The following ENPP1 variants were observed in gnomAD, a reference collection of about 807,000 sequenced individuals.
ENPP1 encodes the protein ectonucleotide pyrophosphatase/phosphodiesterase family member 1.
ENPP1 carries 73 observed loss-of-function variants against 122.8 expected under a neutral mutation model. The observed-to-expected ratio is 0.59, with a 90% confidence interval of 0.49 to 0.72. The LOEUF (loss-of-function observed/expected upper bound fraction) is 0.72. ENPP1 is among the 30% of genes least tolerant of loss of function. The pLI, the probability that ENPP1 is intolerant of heterozygous loss-of-function variation, is 0.00. For missense variants in ENPP1, 978 were observed against 1,128.1 expected, an observed-to-expected ratio of 0.87 and a Z score of 1.91; for synonymous variants, 367 against 391.6, an observed-to-expected ratio of 0.94 and a Z score of 0.74.
intron 1 of ENPP1, among the ~76,000 whole-genome samples, chr6:131,816,390 A>G (rs1290109478): frequency 6.6e-6 from 1 of 152,228 alleles, no homozygotes; most frequent in Admixed American, 6.5e-5. Context: ...GAAAAAATAA[A>G]CAAGAAACCT....
chr6:131,886,141 A>T (rs1416699540), intron 23 of ENPP1, among the ~76,000 whole-genome samples: 3 of 152,210 alleles, frequency 2.0e-5, no homozygotes, highest in Non-Finnish European at 4.4e-5. Flanking sequence ...GTCCTCTCTG[A>T]AGGGGCTGGA....
chr6:131,814,589 C>A (rs1379979442), intron 1 of ENPP1, among the ~76,000 whole-genome samples: 1 of 152,150 alleles, frequency 6.6e-6, no homozygotes, highest in Non-Finnish European at 1.5e-5. Context: ...CAATTAGCTT[C>A]CTTTTCCTTC....
intron 9 of ENPP1, among the ~76,000 whole-genome samples, chr6:131,863,995 T>A (rs1177325950): frequency 1.3e-5 from 2 of 152,122 alleles, no homozygotes; most frequent in Admixed American, 1.3e-4. Context: ...CTTTTTAAGA[T>A]TTAGTAGAGT....
At position 131,882,458 on chromosome 6, in the gene ENPP1, G is replaced by A; in HGVS notation, c.2214G>A (p.Gly738=). The A allele has an allele frequency of 6.2e-7, 1 of 1,608,046 alleles. No individual in the cohort carries two copies. The highest frequency in any genetic ancestry group is 8.5e-7 in the Non-Finnish European group (1 of 1,176,558). ...AAAATAACACCAAAGTGAGTTACGG[G>A]TTCCTCTCCCCACCACGTAAGTTTT... ...FYKNNTKVSY[G]FLSPPQLNKN... is the part of the protein sequence containing the mutation. Residue 738 remains glycine, a synonymous_variant, in exon 21 of 25, where the codon GGG becomes GGA. Transcript: ENST00000647893.
In ENPP1 at chr6:131,874,283, G is replaced by C; in HGVS notation, c.1581G>C (p.Arg527Ser). The change falls in exon 16 of 25, where the codon AGG becomes AGC. Residue 527 changes from arginine (R) to serine (S), a missense_variant. Physicochemically the swap from Arg to Ser is moderately radical, Grantham distance 110. Transcript: ENST00000647893. Reference sequence around the variant, plus strand: ...TCAACATTAGGAATCCCTCAGAAAGGAAATATTGTGGAAGTGGATTTCATG... The same window carrying C: ...TCAACATTAGGAATCCCTCAGAAAGCAAATATTGTGGAAGTGGATTTCATG... Reference protein sequence around the residue: ...QWQLALNPSERKYCGSGFHGS... With the variant: ...QWQLALNPSESKYCGSGFHGS... The C allele has an allele frequency of 1.3e-6, 2 of 1,592,662 alleles. No homozygotes were observed. The highest frequency in any genetic ancestry group is 3.3e-5 in the Admixed American group (2 of 59,946).
intron 1 of ENPP1, among the ~76,000 whole-genome samples, chr6:131,835,703 C>A (rs1394661156): frequency 1.3e-5 from 2 of 152,074 alleles, no homozygotes; most frequent in Non-Finnish European, 2.9e-5. Context: ...ATTAGCTATT[C>A]TTCCTGATGC....
intron 1 of ENPP1, among the ~76,000 whole-genome samples, chr6:131,816,608 A>G (rs1562508243): frequency 6.6e-6 from 1 of 152,252 alleles, no homozygotes; most frequent in Non-Finnish European, 1.5e-5. Flanking sequence ...TTAAATATTA[A>G]CGGGAAGACT....
intron 11 of ENPP1, among the ~76,000 whole-genome samples, chr6:131,865,943 C>T (rs1307569612): frequency 6.6e-6 from 1 of 151,582 alleles, no homozygotes; most frequent in Non-Finnish European, 1.5e-5. Flanking sequence ...TTTCAGTGAG[C>T]CGAGATCGCA....
intron 12 of ENPP1, among the ~76,000 whole-genome samples, chr6:131,869,015 A>G (rs979274580): frequency 4.6e-5 from 7 of 152,222 alleles, no homozygotes; most frequent in Non-Finnish European, 8.8e-5. Flanking sequence ...TGAATCATAC[A>G]CATACACTCC....
At chr6:131,860,623 C>T in intron 8 of ENPP1, 117 bp downstream of exon 8, 1 of 763,880 alleles carries the variant, frequency 1.3e-6, no homozygotes, top group Non-Finnish European at 2.2e-6. Context: ...GTGTCTGTGG[C>T]CATTCTTTTG....
chr6:131,886,856 G>T, intron 24 of ENPP1, 132 bp downstream of exon 24: 1 of 620,442 alleles, frequency 1.6e-6, no homozygotes, highest in South Asian at 2.6e-5. Flanking sequence ...ATTATAGGAT[G>T]CTTTTAAATT....
chr6:131,882,651 T>A (rs71545267), intron 21 of ENPP1, among the ~76,000 whole-genome samples, 177 bp downstream of exon 21: 129 of 58,914 alleles, frequency 2.2e-3, no homozygotes, highest in African/African-American at 0.018. Context: ...TATTACTATT[T>A]TATATATATA....
chr6:131,858,885 AT>A, intron 7 of ENPP1, 138 bp downstream of exon 7: 1 of 714,356 alleles, frequency 1.4e-6, no homozygotes, highest in South Asian at 1.6e-5. Flanking sequence ...CCAGGTTCTG[AT>A]CTTTGCTCTG....
chr6:131,890,376 G>A lies in ENPP1; in HGVS notation c.2643G>A (p.Leu881=), dbSNP rs780184732. 90 of 1,613,894 alleles carry A rather than the reference G, an allele frequency of 5.6e-5. No homozygotes were observed. Among genetic ancestry groups the A allele is most frequent in the Non-Finnish European group, 7.2e-5 (85 of 1,179,898 alleles). The change falls in exon 25 of 25, where the codon TTG becomes TTA. Residue 881 remains leucine (L), a synonymous_variant. Coordinates refer to ENST00000647893, the MANE Select transcript of ENPP1 (RefSeq NM_006208.3). ...ATGACTCCTCATGGGTTGAAGAATT[G>A]TTAATGTTACACAGAGCACGGATCA... is the stretch of plus-strand genomic sequence containing the variant. ...GKHDSSWVEE[L]LMLHRARITD...
At chr6:131,851,648 C>G (rs1310732375) in intron 4 of ENPP1, among the ~76,000 whole-genome samples, 1 of 152,138 alleles carries the variant, frequency 6.6e-6, no homozygotes, top group African/African-American at 2.4e-5. Context: ...GGCTTCCCTC[C>G]TAGTAAATGG....
At chr6:131,882,060 T>A (rs1782318132) in intron 20 of ENPP1, among the ~76,000 whole-genome samples, 1 of 141,858 alleles carries the variant, frequency 7.0e-6, no homozygotes, top group Non-Finnish European at 1.5e-5. Context: ...TAAATAAATA[T>A]TTAAAATTGT....
chr6:131,880,420 C>T (rs895708026), intron 20 of ENPP1, among the ~76,000 whole-genome samples: 3 of 151,872 alleles, frequency 2.0e-5, no homozygotes, highest in African/African-American at 4.8e-5. Context: ...AAAAATTAGC[C>T]GGGCGTGGTG....
At chr6:131,887,394 A>ATT (rs35908580) in intron 24 of ENPP1, among the ~76,000 whole-genome samples, 23 of 139,148 alleles carry the variant, frequency 1.7e-4, no homozygotes, top group African/African-American at 2.9e-4. Flanking sequence ...CATTTTAGCA[A>ATT]TTTTTTTTTT....
At chr6:131,885,387 A>G (rs986625060) in intron 23 of ENPP1, among the ~76,000 whole-genome samples, 1 of 152,198 alleles carries the variant, frequency 6.6e-6, no homozygotes, top group East Asian at 1.9e-4. Context: ...ATATATTGTG[A>G]GTCAGAAGAT....
Sources: allele counts gnomAD v4.1 joint callset (sites outside exome capture counted in the v4.1 genomes callset), GRCh38; gene constraint gnomAD v4.1.1; transcripts MANE v1.5; gene names NCBI Gene and HGNC (gene_info 2026-07-23, HGNC 2026-07-21).